OR3A2: variants seen among roughly 807,000 people sequenced by gnomAD.
OR3A2 encodes the protein olfactory receptor family 3 subfamily A member 2, also known as olfactory receptor 3A2.
For synonymous variants in OR3A2, 126 were observed against 159.3 expected (o/e 0.79, Z 1.57); for missense variants, 318 against 392.8 (o/e 0.81, Z 1.61).
chr17:3,365,343 AACT>A (rs1257512600), intron 2 of OR3A2, among the ~76,000 whole-genome samples: 16 of 152,304 alleles, frequency 1.1e-4, no homozygotes, highest in East Asian at 1.9e-4. Flanking sequence ...TTCCAGGGGA[AACT>A]ACTTTTTGTT....
In OR3A2 at chr17:3,292,054, T is replaced by C. The variant is rs112866958; in HGVS notation, c.-84-12901A>G. 1.8e-5 allele frequency: 29 copies of C among 1,613,988 alleles called. No homozygotes were observed. Among genetic ancestry groups the C allele is most frequent in the Non-Finnish European group, 2.3e-5 (27 of 1,180,016 alleles). ...GGGAGGTCACAGTAGAAGTGATTGA[T>C]CACATTGGGGCCACAGAAGTTGAGC... is the stretch of plus-strand genomic sequence containing the variant. On this transcript the variant is annotated intron_variant, in intron 3 of 4. Transcript: ENST00000573491.
intron 3 of OR3A2, among the ~76,000 whole-genome samples, chr17:3,315,156 G>A (rs1989037): frequency 0.15 from 23,047 of 152,062 alleles, 2,326 homozygotes; most frequent in African/African-American, 0.28. Context: ...ATATAAGTGC[G>A]TGTGTCTTTG....
chr17:3,296,910 G>T (rs2048923213), intron 3 of OR3A2, among the ~76,000 whole-genome samples: 1 of 152,176 alleles, frequency 6.6e-6, no homozygotes, highest in Non-Finnish European at 1.5e-5. Context: ...GACTGTACTG[G>T]GATATTGAAG....
chr17:3,380,616 G>A (rs2049726533), intron 2 of OR3A2, among the ~76,000 whole-genome samples: 1 of 152,194 alleles, frequency 6.6e-6, no homozygotes, highest in Non-Finnish European at 1.5e-5. Flanking sequence ...GAAGACAAAT[G>A]AGTAAGAAGT....
At chr17:3,312,294 T>C (rs1217896032) in intron 3 of OR3A2, among the ~76,000 whole-genome samples, 1 of 152,154 alleles carries the variant, frequency 6.6e-6, no homozygotes, top group African/African-American at 2.4e-5. Flanking sequence ...TTAGCAAAAC[T>C]ATATTTGTAT....
intron 2 of OR3A2, among the ~76,000 whole-genome samples, chr17:3,349,339 G>C (rs950833493): frequency 1.1e-4 from 16 of 151,988 alleles, no homozygotes; most frequent in Non-Finnish European, 1.8e-4. Context: ...GGAGGAAGAT[G>C]TACCAAGCAA....
intron 2 of OR3A2, among the ~76,000 whole-genome samples, chr17:3,342,359 G>T (rs1436439026): frequency 6.6e-6 from 1 of 152,200 alleles, no homozygotes. Flanking sequence ...CTGGTTTTTA[G>T]AATTTTCAGC....
At chr17:3,307,702 A>T (rs1191376057) in intron 3 of OR3A2, among the ~76,000 whole-genome samples, 2 of 152,176 alleles carry the variant, frequency 1.3e-5, no homozygotes, top group African/African-American at 4.8e-5. Context: ...AAAGCGCTTG[A>T]CTGAGACTAG....
At position 3,292,196 on chromosome 17, in the gene OR3A2, G is replaced by C. The variant is rs2048878973; in HGVS notation, c.-84-13043C>G. Reference sequence around the variant, plus strand: ...GGGTGCTGTAGGTGAGGGGCCGGCAGATGGCCAGGAATCGGTCATAGGCCA... The same window carrying C: ...GGGTGCTGTAGGTGAGGGGCCGGCACATGGCCAGGAATCGGTCATAGGCCA... On this transcript the variant is annotated intron_variant, in intron 3 of 4. Coordinates refer to the OR3A2 transcript ENST00000573491. The C allele has an allele frequency of 1.9e-6, 3 of 1,614,080 alleles. No individual in the cohort carries two copies. The African/African-American group carries it at 4.0e-5, about 22-fold the overall frequency.
chr17:3,371,827 A>ACCC (rs1429524778), intron 2 of OR3A2, among the ~76,000 whole-genome samples: 5 of 84,368 alleles, frequency 5.9e-5, no homozygotes, highest in African/African-American at 1.9e-4. Flanking sequence ...CGGGGGGCTG[A>ACCC]CCTCCCCACC....
At chr17:3,337,111 T>A (rs948685833) in intron 2 of OR3A2, among the ~76,000 whole-genome samples, 1 of 152,228 alleles carries the variant, frequency 6.6e-6, no homozygotes, top group Non-Finnish European at 1.5e-5. Context: ...CTTCCTTATA[T>A]GAAATTCTTT....
intron 2 of OR3A2, among the ~76,000 whole-genome samples, chr17:3,380,371 C>A (rs993449864): frequency 4.6e-5 from 7 of 152,142 alleles, no homozygotes; most frequent in Non-Finnish European, 8.8e-5. Flanking sequence ...TCTGACTGAT[C>A]CCCTGATTAC....
rs141612207 is a variant in OR3A2, at chr17:3,369,929, G to A, written c.-179+13875C>T. Among the ~76,000 whole-genome samples the A allele has an allele frequency of 1.8e-3, 272 of 150,866 alleles. 3 individuals carry two copies. The East Asian group carries it at 0.047, about 26-fold the overall frequency. ...AGCTATCCTCCCACCTTAGCCTCCCGAGTAGCTGGGACTACAGGCGCATGC... is the reference window on the plus strand; with the variant it reads ...AGCTATCCTCCCACCTTAGCCTCCCAAGTAGCTGGGACTACAGGCGCATGC... On this transcript the variant is annotated intron_variant, in intron 2 of 4. Transcript: ENST00000573491.
chr17:3,319,282 G>C (rs1033161616), intron 3 of OR3A2, among the ~76,000 whole-genome samples: 3 of 152,090 alleles, frequency 2.0e-5, no homozygotes, highest in Non-Finnish European at 4.4e-5. Context: ...TAAAGGACTA[G>C]GCAGTAAATA....
chr17:3,307,275 C>T (rs539230984), intron 3 of OR3A2, among the ~76,000 whole-genome samples: 2 of 152,338 alleles, frequency 1.3e-5, no homozygotes, highest in South Asian at 4.1e-4. Flanking sequence ...GGAGACGACA[C>T]AGCCTCCGGT....
Position 3,357,236 on chromosome 17 carries a change from G to A in OR3A2, c.-178-21110C>T, listed in dbSNP as rs187336690. 2.6e-5 allele frequency among the ~76,000 whole-genome samples: 4 copies of A among 151,784 alleles called. No individual in the cohort carries two copies. The East Asian group carries it at 7.7e-4, about 29-fold the overall frequency. On this transcript the variant is annotated intron_variant, in intron 2 of 4. Coordinates refer to the OR3A2 transcript ENST00000573491. ...GGCTTCATCACATCCTCAGTAGCCTGAAAACACTTATCTAGGGATAAGGTG... is the reference window on the plus strand; with the variant it reads ...GGCTTCATCACATCCTCAGTAGCCTAAAAACACTTATCTAGGGATAAGGTG...
chr17:3,385,559 A>G (rs774142588), intron 1 of OR3A2, among the ~76,000 whole-genome samples: 3 of 152,188 alleles, frequency 2.0e-5, no homozygotes, highest in Non-Finnish European at 2.9e-5. Flanking sequence ...TATTCACTGT[A>G]TCCAACAACC....
intron 3 of OR3A2, among the ~76,000 whole-genome samples, chr17:3,334,364 A>T (rs1188320373): frequency 6.6e-6 from 1 of 152,108 alleles, no homozygotes; most frequent in Non-Finnish European, 1.5e-5. Context: ...AAACACTATT[A>T]TTAGCTTCCA....
intron 3 of OR3A2, among the ~76,000 whole-genome samples, chr17:3,332,385 C>T (rs993319555): frequency 1.1e-4 from 16 of 152,188 alleles, no homozygotes; most frequent in African/African-American, 1.9e-4. Context: ...TAGGACCCTC[C>T]GAGCCAGGTG....
Sources: gnomAD v4.1 joint callset for allele counts (sites outside exome capture counted in the v4.1 genomes callset) on GRCh38, gnomAD v4.1.1 for gene constraint, MANE v1.5 for transcripts, NCBI Gene and HGNC (gene_info 2026-07-23, HGNC 2026-07-21) for gene names.